Variants in FOXP2 observed in about 807,000 individuals in gnomAD.
FOXP2 encodes forkhead box protein P2.
A neutral mutation model predicts 115.8 loss-of-function variants in FOXP2; 12 were observed. The ratio of observed to expected loss-of-function variants is 0.10; its 90% CI spans 0.07 to 0.17. The LOEUF (loss-of-function observed/expected upper bound fraction) is 0.17, where lower values mean the gene tolerates loss of function less well. Ranked by LOEUF, FOXP2 falls within the 10% of genes least tolerant of loss-of-function variation. The pLI is 1.00. For synonymous variants in FOXP2, 328 were observed against 297.7 expected, an observed-to-expected ratio of 1.10 and a Z score of -1.05; for missense variants, 629 against 843.5, an observed-to-expected ratio of 0.75 and a Z score of 3.15.
chr7:114,433,585 T>G (rs1288076591), intron 2 of FOXP2, among the ~76,000 whole-genome samples: 1 of 152,004 alleles, frequency 6.6e-6, no homozygotes, highest in African/African-American at 2.4e-5. Flanking sequence ...TTTATCGTAG[T>G]CTTGGAAAAT....
intron 2 of FOXP2, among the ~76,000 whole-genome samples, chr7:114,378,430 T>C (rs1792194369): frequency 6.6e-6 from 1 of 151,970 alleles, no homozygotes; most frequent in South Asian, 2.1e-4. Flanking sequence ...ATGCCTGTAA[T>C]CTCAGCATTT....
At chr7:114,520,925 G>A (rs369236545) in intron 2 of FOXP2, among the ~76,000 whole-genome samples, 83 of 152,048 alleles carry the variant, frequency 5.5e-4, no homozygotes, top group African/African-American at 2.0e-3. Flanking sequence ...TAAACTTTTG[G>A]GAGATAATTA....
intron 2 of FOXP2, among the ~76,000 whole-genome samples, chr7:114,451,190 C>T (rs1009996873): frequency 6.6e-6 from 1 of 151,960 alleles, no homozygotes; most frequent in African/African-American, 2.4e-5. Flanking sequence ...CTTGTTCTTT[C>T]AAGTGATAAT....
chr7:114,454,440 C>T (rs1327239418), intron 2 of FOXP2, among the ~76,000 whole-genome samples: 1 of 151,896 alleles, frequency 6.6e-6, no homozygotes, highest in East Asian at 1.9e-4. Context: ...ACTAGTTCAA[C>T]CATTGTGGAA....
intron 1 of FOXP2, among the ~76,000 whole-genome samples, chr7:114,176,289 T>TC (rs1793300954): frequency 1.7e-4 from 7 of 41,190 alleles, no homozygotes; most frequent in Middle Eastern, 0.012. Flanking sequence ...TCTTTCTTTC[T>TC]TTCTTTCTTT....
rs1806690850 is a variant in FOXP2, at chr7:114,658,195, C to A, written c.1396C>A (p.Pro466Thr). Residue 466 changes from proline to threonine, a missense_variant, in exon 11 of 17, where the codon CCA becomes ACA. Pro to Thr is a conservative substitution (Grantham distance 38). Around this residue, in one of 9 missense-constraint regions of FOXP2, gnomAD observed 101 missense variants for 116.0 expected, o/e 0.87. Transcript: ENST00000350908. ...PITQGPSVIT[P>T]ASVPNVGAIR... ...TACCCAGGGACCCTCAGTAATCACC[C>A]CAGCCAGTGTGCCCAATGTGGGAGC... The A allele has an allele frequency of 6.2e-7, 1 of 1,613,838 alleles. No homozygotes were observed. The highest frequency in any genetic ancestry group is 1.1e-5 in the South Asian group (1 of 91,076).
chr7:114,609,212 CAAA>C (rs960716714), intron 3 of FOXP2, among the ~76,000 whole-genome samples: 1 of 92,212 alleles, frequency 1.1e-5, no homozygotes, highest in Non-Finnish European at 2.3e-5. Context: ...GACTCTGTCT[CAAA>C]AAAAAAAAAA....
intron 2 of FOXP2, among the ~76,000 whole-genome samples, chr7:114,452,644 G>A (rs1200550230): frequency 6.6e-6 from 1 of 152,030 alleles, no homozygotes; most frequent in African/African-American, 2.4e-5. Context: ...CTTTCACAGT[G>A]AAGGCATTTC....
chr7:114,590,786 G>A (rs1205972959), intron 3 of FOXP2, among the ~76,000 whole-genome samples: 1 of 152,092 alleles, frequency 6.6e-6, no homozygotes, highest in East Asian at 1.9e-4. Flanking sequence ...GTAGGTATGT[G>A]TGTTCTCTTC....
intron 2 of FOXP2, among the ~76,000 whole-genome samples, chr7:114,517,515 C>T (rs1017966450): frequency 2.0e-5 from 3 of 152,110 alleles, no homozygotes; most frequent in South Asian, 2.1e-4. Flanking sequence ...GGTTCAATTT[C>T]GTTCTGCATA....
intron 1 of FOXP2, among the ~76,000 whole-genome samples, chr7:114,098,061 A>G (rs1308198297): frequency 2.0e-5 from 3 of 152,230 alleles, no homozygotes; most frequent in Non-Finnish European, 4.4e-5. Flanking sequence ...TAGAGCATGA[A>G]AAGTGGGGAT....
intron 1 of FOXP2, among the ~76,000 whole-genome samples, chr7:114,166,736 A>G (rs1001505618): frequency 6.6e-6 from 1 of 152,118 alleles, no homozygotes; most frequent in African/African-American, 2.4e-5. Context: ...ATAAGAAAAC[A>G]TGTAACTCAA....
intron 2 of FOXP2, among the ~76,000 whole-genome samples, chr7:114,397,999 T>C (rs1340796911): frequency 6.6e-6 from 1 of 152,120 alleles, no homozygotes; most frequent in Non-Finnish European, 1.5e-5. Flanking sequence ...TTTTCTTTTT[T>C]TCTCTCTTGA....
At chr7:114,322,345 C>G (rs1797445730) in intron 2 of FOXP2, among the ~76,000 whole-genome samples, 1 of 149,984 alleles carries the variant, frequency 6.7e-6, no homozygotes, top group Middle Eastern at 3.2e-3. Context: ...TATATGAAAG[C>G]TCATTTTAAA....
chr7:114,195,060 C>T (rs886677522), intron 1 of FOXP2, among the ~76,000 whole-genome samples: 25 of 152,064 alleles, frequency 1.6e-4, no homozygotes, highest in African/African-American at 6.0e-4. Flanking sequence ...TTAAACTGGG[C>T]TGATTGTTGG....
chr7:114,102,696 C>CCACACA (rs10624558), intron 1 of FOXP2, among the ~76,000 whole-genome samples: 3,181 of 136,400 alleles, frequency 0.023, 57 homozygotes, highest in South Asian at 0.055. Flanking sequence ...ACACCACACA[C>CCACACA]CACACACACA....
At chr7:114,360,725 A>G (rs759190829) in intron 2 of FOXP2, among the ~76,000 whole-genome samples, 4 of 152,198 alleles carry the variant, frequency 2.6e-5, no homozygotes, top group Non-Finnish European at 4.4e-5. Flanking sequence ...TACAACATTT[A>G]CAGTCTAAGA....
chr7:114,656,467 A>T (rs1034340583), intron 10 of FOXP2: 13 of 452,546 alleles, frequency 2.9e-5, no homozygotes, highest in African/African-American at 1.6e-4. Context: ...ATACAGATGC[A>T]TATGGATGTT....
At chr7:114,378,060 T>C (rs1792185130) in intron 2 of FOXP2, among the ~76,000 whole-genome samples, 1 of 152,166 alleles carries the variant, frequency 6.6e-6, no homozygotes, top group African/African-American at 2.4e-5. Context: ...TGACCTTCCA[T>C]AGATGCTCCT....
Sources: gnomAD v4.1 joint callset for allele counts (sites outside exome capture counted in the v4.1 genomes callset) on GRCh38, gnomAD v4.1.1 for gene constraint, gnomAD v4.1.1 regional missense constraint, MANE v1.5 for transcripts, NCBI Gene and HGNC (gene_info 2026-07-23, HGNC 2026-07-21) for gene names.